Variants in PLRG1 observed in about 807,000 individuals in gnomAD.
PLRG1 encodes the protein pleiotropic regulator 1 (PRL1 homolog, Arabidopsis).
A neutral mutation model predicts 74.9 loss-of-function variants in PLRG1; 28 were observed. The ratio of observed to expected loss-of-function variants is 0.37; its 90% CI spans 0.28 to 0.51. The LOEUF (loss-of-function observed/expected upper bound fraction) is 0.51, where lower values mean the gene tolerates loss of function less well. Ranked by LOEUF, PLRG1 falls within the 20% of genes least tolerant of loss-of-function variation. The pLI is 0.91. For missense variants in PLRG1, 445 were observed against 631.9 expected (o/e 0.70, Z 3.17); for synonymous variants, 197 against 212.4 (o/e 0.93, Z 0.63).
intron 7 of PLRG1, 91 bp downstream of exon 7, chr4:154,544,354 C>T (rs754766861): frequency 2.6e-6 from 2 of 766,946 alleles, no homozygotes; most frequent in Non-Finnish European, 4.6e-6. Flanking sequence ...TTTTCATATT[C>T]ACTCTTTTTC....
chr4:154,536,457 A>G lies in PLRG1; in HGVS notation c.*228T>C, dbSNP rs1729452299. ...TGTTCAATAAACCTGCATTTACTTGATATCTGCATCTTCCTAGTATCACAA... is the reference window on the plus strand; with the variant it reads ...TGTTCAATAAACCTGCATTTACTTGGTATCTGCATCTTCCTAGTATCACAA... On this transcript the variant is annotated 3_prime_UTR_variant, in exon 15 of 15. Transcript: ENST00000499023. The G allele has an allele frequency of 4.5e-6, 2 of 446,120 alleles. No homozygotes were observed. Among genetic ancestry groups the G allele is most frequent in the Non-Finnish European group, 7.8e-6 (2 of 255,094 alleles). The allele number at this position is 446,120 out of a possible 1,614,324, so 27.6% of individuals were successfully genotyped here. A position where few individuals can be genotyped will look rare whatever the true frequency, so the allele number is the denominator to read the frequency against.
At chr4:154,545,457 T>C (rs996966742) in intron 6 of PLRG1, among the ~76,000 whole-genome samples, 1 of 152,008 alleles carries the variant, frequency 6.6e-6, no homozygotes, top group Non-Finnish European at 1.5e-5. Flanking sequence ...GTATAGCCCA[T>C]GAATAGTACA....
chr4:154,547,585 G>T, intron 3 of PLRG1, 126 bp downstream of exon 3: 2 of 779,660 alleles, frequency 2.6e-6, no homozygotes, highest in Non-Finnish European at 2.1e-6. Context: ...TTATAATACA[G>T]GTACGGCCAT....
chr4:154,538,950 G>A (rs567133714), intron 12 of PLRG1, 155 bp downstream of exon 12: 216 of 568,746 alleles, frequency 3.8e-4, no homozygotes, highest in Non-Finnish European at 6.2e-4. Context: ...AATAGTGCAT[G>A]AGGAAAATAA....
chr4:154,536,521 G>T lies in PLRG1; in HGVS notation c.*164C>A. ...TAAAAACACAGGGGTAGGGGACAGGGGACAGTTTATTGTAAAATATGAAGC... is the reference window on the plus strand; with the variant it reads ...TAAAAACACAGGGGTAGGGGACAGGTGACAGTTTATTGTAAAATATGAAGC... On this transcript the variant is annotated 3_prime_UTR_variant, in exon 15 of 15. Coordinates refer to ENST00000499023, the MANE Select transcript of PLRG1 (RefSeq NM_002669.4). The T allele has an allele frequency of 1.6e-6, 1 of 615,874 alleles. No homozygotes were observed. The highest frequency in any genetic ancestry group is 2.9e-6 in the Non-Finnish European group (1 of 348,034). 38.2% of individuals were successfully genotyped at this position (615,874 alleles called of 1,614,324 possible). A position where few individuals can be genotyped will look rare whatever the true frequency, so the allele number is the denominator to read the frequency against.
chr4:154,543,164 T>C (rs1729585401), intron 7 of PLRG1, among the ~76,000 whole-genome samples: 1 of 152,178 alleles, frequency 6.6e-6, no homozygotes, highest in African/African-American at 2.4e-5. Flanking sequence ...GTTTTTTGTT[T>C]TGAGATAGGG....
intron 8 of PLRG1, 102 bp from the exon 9 acceptor site, chr4:154,541,036 A>G: frequency 1.1e-6 from 1 of 880,492 alleles, no homozygotes; most frequent in Non-Finnish European, 1.6e-6. Context: ...CAAAAGGAAA[A>G]AGATAACAAA....
intron 7 of PLRG1, among the ~76,000 whole-genome samples, chr4:154,544,194 T>C (rs1729606781): frequency 6.6e-6 from 1 of 152,242 alleles, no homozygotes; most frequent in Non-Finnish European, 1.5e-5. Context: ...ATTTATTTAG[T>C]CTGCCATCCA....
chr4:154,542,674 A>G (rs1341824121), intron 7 of PLRG1, among the ~76,000 whole-genome samples: 1 of 152,238 alleles, frequency 6.6e-6, no homozygotes, highest in Non-Finnish European at 1.5e-5. Context: ...AATGTGGTAC[A>G]TACACACAAT....
chr4:154,546,851 G>A (rs1194119053), intron 4 of PLRG1, 160 bp downstream of exon 4: 7 of 625,986 alleles, frequency 1.1e-5, no homozygotes, highest in African/African-American at 5.5e-5. Flanking sequence ...GCTGAATGAA[G>A]GCATATGAGT....
In PLRG1 at chr4:154,547,769, C is replaced by G. The variant is rs1198165875; in HGVS notation, c.201G>C (p.Glu67Asp). 6 of 1,613,006 alleles carry G rather than the reference C, an allele frequency of 3.7e-6. No individual in the cohort carries two copies. Among genetic ancestry groups the G allele is most frequent in the Admixed American group, 3.3e-5 (2 of 60,018 alleles). Reference sequence around the variant, plus strand: ...AATCCGTTGCATTCTGAGGACCCTTCTCTTTAAGATTTTCTTTTGAAGTAG... The same window carrying G: ...AATCCGTTGCATTCTGAGGACCCTTGTCTTTAAGATTTTCTTTTGAAGTAG... ...HMPTSKENLK[E>D]KGPQNATDSY... Residue 67 changes from glutamate (E) to aspartate (D), a missense_variant, in exon 3 of 15, where the codon GAG (glutamate) becomes GAC (aspartate). Glu to Asp is a conservative substitution (Grantham distance 45). Coordinates refer to ENST00000499023, the MANE Select transcript of PLRG1 (RefSeq NM_002669.4).
chr4:154,537,892 A>G, intron 13 of PLRG1, 77 bp downstream of exon 13: 1 of 821,816 alleles, frequency 1.2e-6, no homozygotes, highest in Non-Finnish European at 1.9e-6. Context: ...ACAGCTTAGA[A>G]GCATTACAAA....
chr4:154,550,175 G>C (rs1729736430), intron 1 of PLRG1, 125 bp downstream of exon 1: 1 of 929,228 alleles, frequency 1.1e-6, no homozygotes, highest in Non-Finnish European at 1.8e-6. Context: ...CTCGGCCTTG[G>C]CCAAATAGCT....
Position 154,536,583 on chromosome 4 carries a change from T to G in PLRG1, c.*102A>C, listed in dbSNP as rs1371006413. The stretch of plus-strand genomic sequence containing the variant: ...AAGCAAGTGAATTTCTCCTTTATAT[T>G]CCCAGCCAGAGCACAAAATGACTGG... On this transcript the variant is annotated 3_prime_UTR_variant, in exon 15 of 15. Transcript: ENST00000499023. The G allele has an allele frequency of 3.0e-6, 2 of 676,574 alleles. No individual in the cohort carries two copies. Among genetic ancestry groups the G allele is most frequent in the Non-Finnish European group, 5.2e-6 (2 of 382,958 alleles). 41.9% of individuals were successfully genotyped at this position (676,574 alleles called of 1,614,324 possible). A position where few individuals can be genotyped will look rare whatever the true frequency, so the allele number is the denominator to read the frequency against.
At chr4:154,548,477 C>T (rs941968925) in intron 2 of PLRG1, among the ~76,000 whole-genome samples, 13 of 152,020 alleles carry the variant, frequency 8.6e-5, no homozygotes, top group African/African-American at 2.4e-4. Context: ...ATCATACTAA[C>T]GAGAAAAGAT....
At chr4:154,542,312 C>T (rs372545143) in intron 7 of PLRG1, 33 bp from the exon 8 acceptor site, 27 of 1,342,558 alleles carry the variant, frequency 2.0e-5, no homozygotes, top group African/African-American at 1.9e-4. Context: ...GGCAGGCCAA[C>T]GTAGAAGTTA....
chr4:154,539,686 T>G (rs984402175), intron 11 of PLRG1, among the ~76,000 whole-genome samples: 1 of 151,978 alleles, frequency 6.6e-6, no homozygotes, highest in Non-Finnish European at 1.5e-5. Context: ...CACTATAAAA[T>G]AATAATTGTT....
At position 154,535,769 on chromosome 4, in the gene PLRG1, T is replaced by C. The variant is rs1310648076; in HGVS notation, c.*916A>G. 6.6e-6 allele frequency: 1 copy of C among 152,206 alleles called. No homozygotes were observed. Among genetic ancestry groups the C allele is most frequent in the South Asian group, 2.1e-4 (1 of 4,818 alleles). The allele number at this position is 152,206 out of a possible 1,614,324, so 9.4% of individuals were successfully genotyped here. On this transcript the variant is annotated 3_prime_UTR_variant, in exon 15 of 15. Transcript: ENST00000499023. ...AAGATTGCAGCCCTTGCTACAGCTT[T>C]AAATAGCTGCACTGGTATCTCCAGT...
chr4:154,537,437 T>C lies in PLRG1; in HGVS notation c.1334A>G (p.Tyr445Cys). 1 of 1,613,344 alleles carries C rather than the reference T, an allele frequency of 6.2e-7. No individual in the cohort carries two copies. Among genetic ancestry groups the C allele is most frequent in the Non-Finnish European group, 8.5e-7 (1 of 1,179,508 alleles). The change falls in exon 14 of 15, where the codon TAC becomes TGC. Residue 445 changes from tyrosine (Y) to cysteine (C), a missense_variant. By Grantham distance (194) the Tyr-to-Cys change is radical. This residue lies in a region of PLRG1 where 221 missense variants were observed against 377.7 expected (regional missense o/e 0.59). Coordinates refer to ENST00000499023, the MANE Select transcript of PLRG1 (RefSeq NM_002669.4). ...AGCTGCGTGAACTCTCTGAAAATTG[T>C]AGCCAGTTCTCCAGTCCCAAAGATG... ...TMHLWDWRTG[Y>C]NFQRVHAAVQ...
Sources: gnomAD v4.1 joint callset for allele counts (sites outside exome capture counted in the v4.1 genomes callset) on GRCh38, gnomAD v4.1.1 for gene constraint, gnomAD v4.1.1 regional missense constraint, MANE v1.5 for transcripts, NCBI Gene and HGNC (gene_info 2026-07-23, HGNC 2026-07-21) for gene names.